The following KCNMA1 variants were observed in gnomAD, a reference collection of about 807,000 sequenced individuals.
KCNMA1 encodes potassium calcium-activated channel subfamily M alpha 1.
In KCNMA1, 29 loss-of-function variants were observed where a neutral mutation model predicts 140.0. The observed-to-expected ratio is 0.21, with a 90% CI of 0.15 to 0.28. The LOEUF (loss-of-function observed/expected upper bound fraction) is 0.28. Among genes scored for constraint, KCNMA1 ranks in the 10% least tolerant of loss-of-function variants. The pLI is 1.00. For synonymous variants in KCNMA1, 612 were observed against 611.9 expected (o/e 1.00, Z 0.00); for missense variants, 880 against 1,602.2 (o/e 0.55, Z 7.70).
intron 1 of KCNMA1, among the ~76,000 whole-genome samples, chr10:77,408,493 T>G (rs1008780348): frequency 2.0e-5 from 3 of 151,836 alleles, no homozygotes; most frequent in Admixed American, 6.6e-5. Flanking sequence ...TACGTGTGTG[T>G]GCATGTCTGA....
chr10:77,408,378 G>A (rs921417051), intron 1 of KCNMA1, among the ~76,000 whole-genome samples: 35 of 151,964 alleles, frequency 2.3e-4, no homozygotes, highest in South Asian at 2.1e-4. Context: ...CACTGAGTGC[G>A]TGTGCTCACA....
intron 1 of KCNMA1, among the ~76,000 whole-genome samples, chr10:77,410,765 C>G (rs915065451): frequency 6.6e-6 from 1 of 152,202 alleles, no homozygotes; most frequent in Admixed American, 6.5e-5. Context: ...CCAGTCCCGT[C>G]TCGGGGCTGT....
rs2052158751 is a variant in KCNMA1, at chr10:76,914,959, T to C, written c.2993A>G (p.Asn998Ser). Residue 998 changes from asparagine (N) to serine (S), a missense_variant, in exon 24 of 28, where the codon AAC becomes AGC. Transcript: ENST00000286628. ...ACCTAGTTCAGTGATGATGGGGATGTTGACCCCAGTTGTGATGGATGGTTG... is the reference window on the plus strand; with the variant it reads ...ACCTAGTTCAGTGATGATGGGGATGCTGACCCCAGTTGTGATGGATGGTTG... ...LRQPSITTGV[N>S]IPIITELVND... 6.2e-7 allele frequency: 1 copy of C among 1,612,906 alleles called. No homozygotes were observed. The highest frequency in any genetic ancestry group is 8.5e-7 in the Non-Finnish European group (1 of 1,179,000).
chr10:76,969,903 G>T (rs754121280), intron 20 of KCNMA1, 71 bp downstream of exon 20: 2 of 1,230,544 alleles, frequency 1.6e-6, no homozygotes, highest in Non-Finnish European at 2.4e-6. Context: ...GCCTGGCAGG[G>T]TGAGGAGAGG....
intron 5 of KCNMA1, among the ~76,000 whole-genome samples, chr10:77,126,446 C>T (rs956168125): frequency 3.9e-5 from 6 of 152,174 alleles, no homozygotes; most frequent in Non-Finnish European, 7.3e-5. Flanking sequence ...TCTTAAATGG[C>T]AAGCTTATCA....
Position 77,527,628 on chromosome 10 carries a change from G to T in KCNMA1, c.378+109637C>A, listed in dbSNP as rs142397551. On this transcript the variant is annotated intron_variant, in intron 1 of 27. Transcript: ENST00000286628. The stretch of plus-strand genomic sequence containing the variant: ...GTGTCTCTTCCTCTCTCTCTCCCCA[G>T]TTATAACCAGAAGGCAGGTGCAATT... Among the ~76,000 whole-genome samples the T allele has an allele frequency of 2.9e-3, 439 of 152,302 alleles. 3 individuals carry two copies. The highest frequency in any genetic ancestry group is 2.2e-3 in the Non-Finnish European group (148 of 68,024).
At chr10:76,967,699 G>A (rs1009008735) in intron 20 of KCNMA1, among the ~76,000 whole-genome samples, 5 of 152,130 alleles carry the variant, frequency 3.3e-5, no homozygotes, top group African/African-American at 1.2e-4. Flanking sequence ...GGGAGACCAT[G>A]GTGGGCTGGT....
At chr10:76,941,480 C>G (rs1389873901) in intron 23 of KCNMA1, among the ~76,000 whole-genome samples, 1 of 152,198 alleles carries the variant, frequency 6.6e-6, no homozygotes, top group African/African-American at 2.4e-5. Context: ...AGCGATTTCT[C>G]TGTGTTGATG....
At chr10:77,041,703 C>T (rs1417412685) in intron 14 of KCNMA1, among the ~76,000 whole-genome samples, 2 of 152,338 alleles carry the variant, frequency 1.3e-5, no homozygotes, top group Admixed American at 6.5e-5. Flanking sequence ...GGAAGGAGGG[C>T]AAGCTGTGTG....
intron 2 of KCNMA1, among the ~76,000 whole-genome samples, chr10:77,382,021 C>A (rs1320924259): frequency 6.6e-6 from 1 of 152,168 alleles, no homozygotes; most frequent in Non-Finnish European, 1.5e-5. Flanking sequence ...ATTTATTTTC[C>A]ACTGAGCTAC....
rs2083378371 is a variant in KCNMA1, at chr10:77,324,735, CA to C, written c.541-73480del. 2.0e-5 allele frequency among the ~76,000 whole-genome samples: 3 copies of C among 152,114 alleles called. No individual in the cohort carries two copies. In the South Asian group the frequency reaches 6.2e-4, roughly 32 times the overall value. ...CGTTCTCAGCATTCCTAGATGCATG[CA>C]TCAGGACTTCAATTCATGCTTCTTC... On this transcript the variant is annotated intron_variant, in intron 2 of 27. Coordinates refer to ENST00000286628, the MANE Select transcript of KCNMA1 (RefSeq NM_001161352.2).
intron 1 of KCNMA1, among the ~76,000 whole-genome samples, chr10:77,507,630 C>A (rs1045436097): frequency 6.6e-6 from 1 of 152,160 alleles, no homozygotes; most frequent in Non-Finnish European, 1.5e-5. Flanking sequence ...GACAACATGC[C>A]CAAGCTATGA....
intron 25 of KCNMA1, among the ~76,000 whole-genome samples, chr10:76,895,824 T>C (rs1001400560): frequency 6.6e-6 from 1 of 152,154 alleles, no homozygotes. Context: ...GCGGGTTCCA[T>C]GATGCCCCCT....
chr10:77,170,208 T>G (rs566440829), intron 5 of KCNMA1, among the ~76,000 whole-genome samples: 87 of 152,050 alleles, frequency 5.7e-4, no homozygotes, highest in Non-Finnish European at 5.3e-4. Flanking sequence ...ATAATAAAAA[T>G]AAATTTAAAA....
At position 76,885,781 on chromosome 10, in the gene KCNMA1, T is replaced by C. The variant is rs774045286; in HGVS notation, c.*1485A>G. ...TTGCATGCACAAAGCATCTGACAAC[T>C]ATATGTTGAAAAAAGGGTATTTTTC... On this transcript the variant is annotated 3_prime_UTR_variant, in exon 28 of 28. Coordinates refer to ENST00000286628, the MANE Select transcript of KCNMA1 (RefSeq NM_001161352.2). 28 of 984,994 alleles carry C rather than the reference T, an allele frequency of 2.8e-5. No individual in the cohort carries two copies. The highest frequency in any genetic ancestry group is 3.1e-5 in the Non-Finnish European group (26 of 829,742). The allele number at this position is 984,994 out of a possible 1,614,324, so 61.0% of individuals were successfully genotyped here.
At chr10:77,430,887 G>C (rs988047442) in intron 1 of KCNMA1, among the ~76,000 whole-genome samples, 2 of 152,162 alleles carry the variant, frequency 1.3e-5, no homozygotes, top group Admixed American at 1.3e-4. Flanking sequence ...CACATGCTAA[G>C]GACTTGTCCA....
At chr10:77,317,492 G>A (rs1363090932) in intron 2 of KCNMA1, among the ~76,000 whole-genome samples, 4 of 152,234 alleles carry the variant, frequency 2.6e-5, no homozygotes, top group South Asian at 2.1e-4. Context: ...TGGAGGATTA[G>A]TTGGGGAGAG....
At chr10:77,220,808 G>C (rs1370288469) in intron 3 of KCNMA1, among the ~76,000 whole-genome samples, 1 of 152,110 alleles carries the variant, frequency 6.6e-6, no homozygotes, top group Non-Finnish European at 1.5e-5. Context: ...CAACTGTTGG[G>C]GCTGTTTTCT....
intron 1 of KCNMA1, among the ~76,000 whole-genome samples, chr10:77,504,507 C>T (rs1314651126): frequency 6.6e-6 from 1 of 152,134 alleles, no homozygotes; most frequent in Non-Finnish European, 1.5e-5. Flanking sequence ...TACCTCCTAC[C>T]TCAGGGAGTC....
Sources: allele counts gnomAD v4.1 joint callset (sites outside exome capture counted in the v4.1 genomes callset), GRCh38; gene constraint gnomAD v4.1.1; transcripts MANE v1.5; gene names NCBI Gene and HGNC (gene_info 2026-07-23, HGNC 2026-07-21).